The following IL1RAPL1 variants were observed in gnomAD, a reference collection of about 807,000 sequenced individuals.
The protein encoded by IL1RAPL1 is interleukin-1 receptor accessory protein-like 1.
In IL1RAPL1, 3 loss-of-function variants were observed where a neutral mutation model predicts 48.4. The observed-to-expected ratio is 0.06, with a 90% CI of 0.03 to 0.16. The LOEUF (loss-of-function observed/expected upper bound fraction) is 0.16, where lower values mean the gene tolerates loss of function less well. Ranked by LOEUF, IL1RAPL1 falls within the 10% of genes least tolerant of loss-of-function variation. The pLI is 1.00. For missense variants in IL1RAPL1, 349 were observed against 530.6 expected, an observed-to-expected ratio of 0.66 and a Z score of 3.36; for synonymous variants, 185 against 187.7, an observed-to-expected ratio of 0.99 and a Z score of 0.12.
At chrX:28,989,562 A>G (rs1414317851) in intron 2 of IL1RAPL1, among the ~76,000 whole-genome samples, 1 of 112,294 alleles carries the variant, frequency 8.9e-6, no homozygotes, top group African/African-American at 3.2e-5. Context: ...CTATTGATAC[A>G]CTGACGCATA....
chrX:29,694,368 T>C (rs1192349766), intron 6 of IL1RAPL1, among the ~76,000 whole-genome samples: 1 of 112,004 alleles, frequency 8.9e-6, no homozygotes, highest in Non-Finnish European at 1.9e-5. Context: ...TCCACACTTA[T>C]GGAGGGCCCA....
intron 2 of IL1RAPL1, among the ~76,000 whole-genome samples, chrX:29,254,792 T>C (rs1230938873): frequency 9.0e-6 from 1 of 111,618 alleles, no homozygotes; most frequent in African/African-American, 3.2e-5. Flanking sequence ...AAAGATGCAA[T>C]TGATATTTTA....
chrX:28,706,553 C>T (rs994704859), intron 1 of IL1RAPL1, among the ~76,000 whole-genome samples: 13 of 110,859 alleles, frequency 1.2e-4, no homozygotes, highest in Non-Finnish European at 2.1e-4. Context: ...ACTGGGATTA[C>T]AGGCACACGC....
chrX:29,416,425 A>G lies in IL1RAPL1; in HGVS notation c.703+17117A>G, dbSNP rs193038210. Among the ~76,000 whole-genome samples the G allele has an allele frequency of 1.6e-4, 18 of 110,779 alleles. 1 individual carries two copies. Among genetic ancestry groups the G allele is most frequent in the Admixed American group, 4.9e-4 (5 of 10,279 alleles). On this transcript the variant is annotated intron_variant, in intron 5 of 10. Coordinates refer to ENST00000378993, the MANE Select transcript of IL1RAPL1 (RefSeq NM_014271.4). The stretch of plus-strand genomic sequence containing the variant: ...GTGGCACACACCTGTAGTCCCAGCT[A>G]CTCGGGAAGCCGAGGCATGAGAATC...
chrX:29,653,247 G>C (rs763822559), intron 5 of IL1RAPL1, among the ~76,000 whole-genome samples: 1 of 112,047 alleles, frequency 8.9e-6, no homozygotes, highest in African/African-American at 3.2e-5. Flanking sequence ...ATTCACAAAC[G>C]TAGAGAGAAT....
intron 5 of IL1RAPL1, among the ~76,000 whole-genome samples, chrX:29,583,371 C>G (rs1198537338): frequency 6.3e-5 from 2 of 31,858 alleles, no homozygotes; most frequent in Non-Finnish European, 1.2e-4. Context: ...TCAGCAAAGT[C>G]TCAGGATACA....
intron 2 of IL1RAPL1, among the ~76,000 whole-genome samples, chrX:28,928,009 C>A (rs1193594014): frequency 1.8e-5 from 2 of 110,938 alleles, no homozygotes; most frequent in Non-Finnish European, 3.8e-5. Flanking sequence ...GCTTACTTGA[C>A]ATACCCATGG....
chrX:29,399,558 T>C (rs768932929), intron 5 of IL1RAPL1, among the ~76,000 whole-genome samples: 70 of 111,704 alleles, frequency 6.3e-4, no homozygotes, highest in Admixed American at 2.3e-3. Flanking sequence ...CCGTGGCTCA[T>C]GCCTGTAATC....
chrX:28,719,644 G>A (rs1935546653), intron 1 of IL1RAPL1, among the ~76,000 whole-genome samples: 1 of 110,886 alleles, frequency 9.0e-6, no homozygotes, highest in South Asian at 3.8e-4. Context: ...TCATTAGGTA[G>A]AAACCAGCTC....
intron 2 of IL1RAPL1, among the ~76,000 whole-genome samples, chrX:29,121,596 G>T (rs1928786962): frequency 9.0e-6 from 1 of 111,670 alleles, no homozygotes; most frequent in Admixed American, 9.5e-5. Flanking sequence ...CAAAACAGCA[G>T]CAGCAACAAT....
At chrX:29,926,931 G>A (rs1014558862) in intron 8 of IL1RAPL1, among the ~76,000 whole-genome samples, 11 of 111,498 alleles carry the variant, frequency 9.9e-5, no homozygotes, top group African/African-American at 3.6e-4. Flanking sequence ...CAAAATAGAA[G>A]GACAAGTATT....
At chrX:28,638,752 C>A (rs750503423) in intron 1 of IL1RAPL1, among the ~76,000 whole-genome samples, 1 of 110,359 alleles carries the variant, frequency 9.1e-6, no homozygotes, top group South Asian at 3.9e-4. Flanking sequence ...CTTAATATTT[C>A]ATTGGCTGAT....
intron 8 of IL1RAPL1, among the ~76,000 whole-genome samples, chrX:29,928,627 T>C (rs1276156982): frequency 8.9e-6 from 1 of 112,148 alleles, no homozygotes; most frequent in East Asian, 2.8e-4. Context: ...TCCTTACTAG[T>C]GGACTGACTG....
intron 2 of IL1RAPL1, among the ~76,000 whole-genome samples, chrX:28,839,098 C>T (rs955667780): frequency 2.7e-5 from 3 of 111,665 alleles, no homozygotes; most frequent in Admixed American, 9.6e-5. Flanking sequence ...ATTAGAACTT[C>T]GTTCTATTGT....
chrX:28,981,090 C>CAAAAAAAA (rs57824632), intron 2 of IL1RAPL1, among the ~76,000 whole-genome samples: 11 of 24,304 alleles, frequency 4.5e-4, no homozygotes, highest in East Asian at 1.4e-3. Flanking sequence ...GACCCTGTCT[C>CAAAAAAAA]AAAAAAAAAA....
At chrX:29,001,273 C>A (rs1925846539) in intron 2 of IL1RAPL1, among the ~76,000 whole-genome samples, 1 of 111,804 alleles carries the variant, frequency 8.9e-6, no homozygotes, top group Admixed American at 9.5e-5. Context: ...ACAAAAGACA[C>A]CCTCACTTAA....
intron 2 of IL1RAPL1, among the ~76,000 whole-genome samples, chrX:29,145,848 G>A (rs933935935): frequency 8.9e-6 from 1 of 111,739 alleles, no homozygotes; most frequent in African/African-American, 3.3e-5. Context: ...CCTATTGTCT[G>A]TACCTTCAAA....
At chrX:29,294,547 A>G (rs1354467014) in intron 3 of IL1RAPL1, among the ~76,000 whole-genome samples, 2 of 110,399 alleles carry the variant, frequency 1.8e-5, no homozygotes, top group Non-Finnish European at 3.8e-5. Context: ...AAATTGTAAA[A>G]AATTTTAGAT....
intron 2 of IL1RAPL1, among the ~76,000 whole-genome samples, chrX:28,945,755 G>A (rs1280595758): frequency 1.8e-5 from 2 of 109,748 alleles, no homozygotes; most frequent in African/African-American, 6.6e-5. Flanking sequence ...ATCCCGGAAC[G>A]TAAAGTAAAA....
Sources: allele counts gnomAD v4.1 joint callset (sites outside exome capture counted in the v4.1 genomes callset), GRCh38; gene constraint gnomAD v4.1.1; transcripts MANE v1.5; gene names NCBI Gene and HGNC (gene_info 2026-07-23, HGNC 2026-07-21).